SORCS2: variants seen among roughly 807,000 people sequenced by gnomAD.
SORCS2 encodes the protein sortilin related VPS10 domain containing receptor 2.
SORCS2 carries 100 observed loss-of-function variants against 141.6 expected under a neutral mutation model. The observed-to-expected ratio is 0.71, with a 90% CI of 0.60 to 0.83. The LOEUF is 0.83. Ranked by LOEUF, SORCS2 falls within the 40% of genes least tolerant of loss-of-function variation. The probability of loss-of-function intolerance (pLI) is 0.00; values close to 1 mark genes in which losing one functional copy is unlikely to be tolerated. For synonymous variants in SORCS2, 789 were observed against 676.9 expected (o/e 1.17, Z -2.57); for missense variants, 1,646 against 1,560.2 (o/e 1.05, Z -0.93).
At chr4:7,722,044 C>T (rs1039678262) in intron 18 of SORCS2, among the ~76,000 whole-genome samples, 3 of 152,312 alleles carry the variant, frequency 2.0e-5, no homozygotes, top group South Asian at 2.1e-4. Flanking sequence ...GAATATACTA[C>T]TTTTGTGGTC....
In SORCS2 at chr4:7,600,654, TATACACACAC is replaced by T. The variant is rs1239831478; in HGVS notation, c.649-37672_649-37663del. 5.6e-3 allele frequency among the ~76,000 whole-genome samples: 518 copies of T among 92,750 alleles called. 5 individuals carry two copies. The highest frequency in any genetic ancestry group is 0.025 in the African/African-American group (486 of 19,728). The allele number at this position is 92,750 out of a possible 152,430, so 60.8% of individuals were successfully genotyped here. ...TTTTAGATTACGATATACATATATA[TATACACACAC>T]ACACACACACACACACACACACACA... On this transcript the variant is annotated intron_variant, in intron 3 of 26. Coordinates refer to ENST00000507866, the MANE Select transcript of SORCS2 (RefSeq NM_020777.3).
chr4:7,441,188 G>T (rs573656360), intron 2 of SORCS2, among the ~76,000 whole-genome samples: 2 of 152,328 alleles, frequency 1.3e-5, no homozygotes, highest in East Asian at 3.9e-4. Flanking sequence ...GGCAGGTGAA[G>T]AGTGAGGCTA....
intron 3 of SORCS2, among the ~76,000 whole-genome samples, chr4:7,637,207 A>G (rs546312783): frequency 2.2e-4 from 34 of 152,288 alleles, no homozygotes; most frequent in Admixed American, 1.0e-3. Flanking sequence ...TTTTGGGGTC[A>G]CTAAACAACC....
chr4:7,727,821 A>T (rs764653419), intron 21 of SORCS2, among the ~76,000 whole-genome samples: 1 of 152,192 alleles, frequency 6.6e-6, no homozygotes. Flanking sequence ...TGACTTTAGA[A>T]TTGGGCTTTG....
At chr4:7,727,909 G>A (rs1727335726) in intron 21 of SORCS2, among the ~76,000 whole-genome samples, 1 of 152,192 alleles carries the variant, frequency 6.6e-6, no homozygotes, top group South Asian at 2.1e-4. Context: ...AATCTGGTGG[G>A]AGGACCAGCA....
At chr4:7,689,196 C>T (rs139296486) in intron 10 of SORCS2, among the ~76,000 whole-genome samples, 48 of 152,100 alleles carry the variant, frequency 3.2e-4, no homozygotes, top group Non-Finnish European at 6.2e-4. Context: ...TGTAGGAGTC[C>T]CTAATCTAGA....
intron 2 of SORCS2, among the ~76,000 whole-genome samples, chr4:7,398,368 C>T (rs1253958084): frequency 6.6e-6 from 1 of 152,168 alleles, no homozygotes; most frequent in African/African-American, 2.4e-5. Context: ...ATAAGATGCC[C>T]CTGAGGGGAA....
chr4:7,532,344 C>T (rs1024939748), intron 3 of SORCS2, among the ~76,000 whole-genome samples: 18 of 152,158 alleles, frequency 1.2e-4, no homozygotes, highest in African/African-American at 3.9e-4. Context: ...CCTCTCTGTG[C>T]CCCAGTTTCC....
At chr4:7,360,461 G>A (rs112575177) in intron 1 of SORCS2, among the ~76,000 whole-genome samples, 3,954 of 151,802 alleles carry the variant, frequency 0.026, 160 homozygotes, top group African/African-American at 0.089. Flanking sequence ...TTCCATCCTG[G>A]GATGGCTCTC....
intron 20 of SORCS2, 136 bp downstream of exon 20, chr4:7,725,423 T>C (rs1727149652): frequency 1.6e-6 from 2 of 1,287,674 alleles, no homozygotes; most frequent in Non-Finnish European, 1.0e-6. Context: ...GGGCCCCTCC[T>C]GGGGCAGTTG....
intron 1 of SORCS2, among the ~76,000 whole-genome samples, chr4:7,197,434 A>T (rs76311699): frequency 0.041 from 6,184 of 152,160 alleles, 179 homozygotes; most frequent in East Asian, 0.16. Flanking sequence ...CTAGTGGGAG[A>T]CAGCAGATGG....
rs1285706809 is a variant in SORCS2, at chr4:7,740,196, C to T, written c.3416-4C>T. 3.1e-6 allele frequency: 5 copies of T among 1,606,818 alleles called. No individual in the cohort carries two copies. The East Asian group carries it at 1.1e-4, about 36-fold the overall frequency. The stretch of plus-strand genomic sequence containing the variant: ...ACGGGACCTGCGTCTCTTCTGTTTC[C>T]TAGGCAACCACTCAGGCGTGGTCCT... On this transcript the variant is annotated splice_polypyrimidine_tract_variant and splice_region_variant and intron_variant, in intron 26 of 26. Transcript: ENST00000507866.
chr4:7,353,450 C>T (rs983824810), intron 1 of SORCS2, among the ~76,000 whole-genome samples: 4 of 152,174 alleles, frequency 2.6e-5, no homozygotes, highest in Non-Finnish European at 5.9e-5. Flanking sequence ...GCCTGATATG[C>T]GGGTTCCTGT....
chr4:7,270,697 G>A (rs1577342065), intron 1 of SORCS2, among the ~76,000 whole-genome samples: 1 of 152,348 alleles, frequency 6.6e-6, no homozygotes, highest in East Asian at 1.9e-4. Context: ...CCACTGTCAA[G>A]GAGGTGAAGA....
At chr4:7,714,996 C>T (rs184422545) in intron 16 of SORCS2, among the ~76,000 whole-genome samples, 187 bp from the exon 17 acceptor site, 1 of 152,316 alleles carries the variant, frequency 6.6e-6, no homozygotes, top group East Asian at 1.9e-4. Context: ...CCCTTTGCCT[C>T]CCTTGTTACC....
chr4:7,651,624 G>A (rs1453617245), intron 4 of SORCS2, among the ~76,000 whole-genome samples: 1 of 152,262 alleles, frequency 6.6e-6, no homozygotes, highest in Non-Finnish European at 1.5e-5. Flanking sequence ...ATTGGAGGAA[G>A]TTACATGCAG....
rs547850257 is a variant in SORCS2, at chr4:7,463,856, C to A, written c.548+67501C>A. Among the ~76,000 whole-genome samples, 12 of 152,292 alleles carry A rather than the reference C, an allele frequency of 7.9e-5. No homozygotes were observed. In the South Asian group the frequency reaches 1.5e-3, roughly 18 times the overall value. On this transcript the variant is annotated intron_variant, in intron 2 of 26. Coordinates refer to ENST00000507866, the MANE Select transcript of SORCS2 (RefSeq NM_020777.3). ...GGTGTGGAATTGGTTTCCCAGCTGTCACACTGGGAACCAAGATACAGTAGC... is the reference window on the plus strand; with the variant it reads ...GGTGTGGAATTGGTTTCCCAGCTGTAACACTGGGAACCAAGATACAGTAGC...
At chr4:7,696,261 C>T (rs1332454396) in intron 11 of SORCS2, among the ~76,000 whole-genome samples, 1 of 152,146 alleles carries the variant, frequency 6.6e-6, no homozygotes, top group Non-Finnish European at 1.5e-5. Flanking sequence ...GCTTCAATGC[C>T]GTCATCAGGG....
intron 3 of SORCS2, among the ~76,000 whole-genome samples, chr4:7,629,809 C>T (rs1015022763): frequency 1.3e-5 from 2 of 152,050 alleles, no homozygotes; most frequent in Admixed American, 6.5e-5. Context: ...GCAGCTCAAA[C>T]TGACCTCAGC....
Sources: gnomAD v4.1 joint callset for allele counts (sites outside exome capture counted in the v4.1 genomes callset) on GRCh38, gnomAD v4.1.1 for gene constraint, MANE v1.5 for transcripts, NCBI Gene and HGNC (gene_info 2026-07-23, HGNC 2026-07-21) for gene names.